Variants in GRID2 observed in about 807,000 individuals in gnomAD.
GRID2 encodes the protein glutamate ionotropic receptor delta type subunit 2.
GRID2 carries 33 observed loss-of-function variants against 114.8 expected under a neutral mutation model. That is an observed-to-expected ratio of 0.29 (90% CI 0.22 to 0.38). The LOEUF (loss-of-function observed/expected upper bound fraction) is 0.38, where lower values mean the gene tolerates loss of function less well. Among genes scored for constraint, GRID2 ranks in the 10% least tolerant of loss-of-function variants. GRID2 has a pLI of 1.00. For missense variants in GRID2, 1,184 were observed against 1,257.7 expected, an observed-to-expected ratio of 0.94 and a Z score of 0.89; for synonymous variants, 505 against 449.9, an observed-to-expected ratio of 1.12 and a Z score of -1.55.
intron 13 of GRID2, among the ~76,000 whole-genome samples, chr4:93,541,244 T>C (rs558401752): frequency 4.6e-5 from 7 of 152,258 alleles, no homozygotes; most frequent in African/African-American, 1.7e-4. Context: ...ACAGTGTCAG[T>C]GTGCTTTTTG....
intron 10 of GRID2, among the ~76,000 whole-genome samples, chr4:93,452,337 T>C (rs1198153638): frequency 6.6e-6 from 1 of 151,688 alleles, no homozygotes; most frequent in East Asian, 1.9e-4. Context: ...GAATAGGGTA[T>C]CCAACAATAT....
At chr4:93,743,012 G>T (rs1038775138) in intron 14 of GRID2, among the ~76,000 whole-genome samples, 33 of 152,184 alleles carry the variant, frequency 2.2e-4, no homozygotes, top group African/African-American at 7.7e-4. Context: ...AGTTGTGAAT[G>T]CAAAGGAAAA....
chr4:93,204,744 G>T (rs996615586), intron 4 of GRID2, among the ~76,000 whole-genome samples: 4 of 152,140 alleles, frequency 2.6e-5, no homozygotes, highest in African/African-American at 9.7e-5. Context: ...CTTCTACTTA[G>T]TCCATAAATG....
intron 3 of GRID2, among the ~76,000 whole-genome samples, chr4:93,096,780 A>G (rs1417588153): frequency 6.6e-6 from 1 of 151,930 alleles, no homozygotes; most frequent in Non-Finnish European, 1.5e-5. Flanking sequence ...ACCAAGTTAA[A>G]TATCTACTTA....
intron 8 of GRID2, among the ~76,000 whole-genome samples, chr4:93,256,406 A>T (rs1335251094): frequency 7.4e-6 from 1 of 135,048 alleles, no homozygotes; most frequent in African/African-American, 2.8e-5. Flanking sequence ...TTTTTTAGCG[A>T]AAGTGTGATT....
In GRID2 at chr4:93,515,377, A is replaced by G. The variant is rs746352324; in HGVS notation, c.2159A>G (p.Asn720Ser). The G allele has an allele frequency of 6.2e-7, 1 of 1,612,992 alleles. No individual in the cohort carries two copies. Among genetic ancestry groups the G allele is most frequent in the Admixed American group, 1.7e-5 (1 of 59,958 alleles). Residue 720 changes from asparagine to serine, a missense_variant, in exon 13 of 16, where the codon AAC (asparagine) becomes AGC (serine). Physicochemically the swap from Asn to Ser is conservative, Grantham distance 46. Coordinates refer to ENST00000282020, the MANE Select transcript of GRID2 (RefSeq NM_001510.4). The part of the protein sequence containing the change: ...RMINRSNGSE[N>S]NVLESQAGIQ... ...ATCAACCGAAGCAATGGATCGGAGA[A>G]CAATGTTCTGGAGTCCCAGGCAGGC...
intron 1 of GRID2, among the ~76,000 whole-genome samples, chr4:92,476,200 T>C (rs1490574729): frequency 6.6e-6 from 1 of 151,966 alleles, no homozygotes; most frequent in Non-Finnish European, 1.5e-5. Context: ...TAACTTTTTG[T>C]ACTTTTAGTA....
intron 14 of GRID2, among the ~76,000 whole-genome samples, chr4:93,702,782 G>A (rs78205813): frequency 0.042 from 6,411 of 152,176 alleles, 221 homozygotes; most frequent in African/African-American, 0.085. Context: ...AGAAGGGGAT[G>A]TATAGCAGTA....
intron 1 of GRID2, among the ~76,000 whole-genome samples, chr4:92,414,805 A>G (rs1340451760): frequency 6.6e-6 from 1 of 152,142 alleles, no homozygotes; most frequent in Non-Finnish European, 1.5e-5. Flanking sequence ...TGTTTATTAT[A>G]GGGTTAGATC....
At chr4:92,821,469 T>C (rs1741276415) in intron 2 of GRID2, among the ~76,000 whole-genome samples, 1 of 152,182 alleles carries the variant, frequency 6.6e-6, no homozygotes, top group African/African-American at 2.4e-5. Context: ...TTGTTTTTTT[T>C]AAGTTTCTCA....
chr4:92,453,399 A>G (rs192539381), intron 1 of GRID2, among the ~76,000 whole-genome samples: 1 of 152,310 alleles, frequency 6.6e-6, no homozygotes, highest in Non-Finnish European at 1.5e-5. Flanking sequence ...CTCAGTCATT[A>G]GCAGAGAATG....
chr4:93,343,995 C>A (rs2149250423), intron 8 of GRID2, among the ~76,000 whole-genome samples: 1 of 152,056 alleles, frequency 6.6e-6, no homozygotes, highest in African/African-American at 2.4e-5. Context: ...AATGTTTAGA[C>A]CACATTTTTC....
At chr4:92,680,499 A>G (rs544269767) in intron 2 of GRID2, among the ~76,000 whole-genome samples, 14 of 152,272 alleles carry the variant, frequency 9.2e-5, no homozygotes, top group African/African-American at 3.4e-4. Flanking sequence ...GGTCTCCCCC[A>G]AAAACAAGCA....
At chr4:92,564,911 T>C (rs1727264105) in intron 1 of GRID2, among the ~76,000 whole-genome samples, 2 of 152,044 alleles carry the variant, frequency 1.3e-5, no homozygotes, top group Non-Finnish European at 2.9e-5. Flanking sequence ...TGTAGGTCTG[T>C]TCATCAAAAG....
At chr4:92,603,819 G>A (rs2149221644) in intron 2 of GRID2, among the ~76,000 whole-genome samples, 1 of 151,066 alleles carries the variant, frequency 6.6e-6, no homozygotes, top group Middle Eastern at 3.4e-3. Context: ...AATCTACAAG[G>A]AACTTAAACA....
At chr4:92,413,656 A>G (rs1315685274) in intron 1 of GRID2, among the ~76,000 whole-genome samples, 1 of 152,178 alleles carries the variant, frequency 6.6e-6, no homozygotes, top group Non-Finnish European at 1.5e-5. Flanking sequence ...TGGGATGAGA[A>G]ATGCTGCAGG....
chr4:92,961,906 A>G (rs1432510415), intron 2 of GRID2, among the ~76,000 whole-genome samples: 1 of 151,734 alleles, frequency 6.6e-6, no homozygotes, highest in African/African-American at 2.4e-5. Flanking sequence ...CAATTGAAAT[A>G]TCCTTAAGCT....
At chr4:93,312,930 C>G (rs182479364) in intron 8 of GRID2, among the ~76,000 whole-genome samples, 5 of 152,196 alleles carry the variant, frequency 3.3e-5, no homozygotes, top group Admixed American at 2.6e-4. Flanking sequence ...ATGCCAAAGA[C>G]AAATGCTCAA....
chr4:93,507,874 G>A (rs113645390), intron 12 of GRID2, among the ~76,000 whole-genome samples: 1 of 152,126 alleles, frequency 6.6e-6, no homozygotes, highest in Non-Finnish European at 1.5e-5. Context: ...ATTATGACAG[G>A]CAATTCACTG....
Sources: gnomAD v4.1 joint callset for allele counts (sites outside exome capture counted in the v4.1 genomes callset) on GRCh38, gnomAD v4.1.1 for gene constraint, MANE v1.5 for transcripts, NCBI Gene and HGNC (gene_info 2026-07-23, HGNC 2026-07-21) for gene names.